The following ZPBP variants were observed in gnomAD, a reference collection of about 807,000 sequenced individuals.
ZPBP encodes the protein zona pellucida binding protein.
Under a neutral mutation model 44.8 loss-of-function variants are expected in ZPBP, and 26 were observed. The ratio of observed to expected loss-of-function variants is 0.58; its 90% CI spans 0.43 to 0.81. The LOEUF (loss-of-function observed/expected upper bound fraction) is 0.81. ZPBP is among the 30% of genes least tolerant of loss of function. ZPBP has a pLI of 0.00. For synonymous variants in ZPBP, 174 were observed against 153.2 expected (o/e 1.14, Z -1.00); for missense variants, 409 against 434.0 (o/e 0.94, Z 0.51).
intron 6 of ZPBP, among the ~76,000 whole-genome samples, chr7:49,997,123 T>C (rs1797880091): frequency 6.6e-6 from 1 of 152,228 alleles, no homozygotes; most frequent in African/African-American, 2.4e-5. Flanking sequence ...GCCCTACCAA[T>C]GTGAGTGAGT....
At chr7:49,856,456 G>A (rs967699667) in intron 2 of ZPBP, among the ~76,000 whole-genome samples, 1 of 152,136 alleles carries the variant, frequency 6.6e-6, no homozygotes, top group African/African-American at 2.4e-5. Context: ...TTCTTGTACA[G>A]GCTGCAGATC....
chr7:49,897,134 A>T (rs2128732986), intron 2 of ZPBP, among the ~76,000 whole-genome samples: 1 of 152,104 alleles, frequency 6.6e-6, no homozygotes, highest in East Asian at 1.9e-4. Context: ...TGACCTCATG[A>T]TCCACCCGCC....
chr7:49,904,334 CT>C (rs1792961564), intron 1 of ZPBP, among the ~76,000 whole-genome samples: 1 of 152,196 alleles, frequency 6.6e-6, no homozygotes, highest in African/African-American at 2.4e-5. Context: ...TAAGCTGTAA[CT>C]TTGGGAAAAA....
At chr7:49,940,230 G>C (rs1056356616) in intron 7 of ZPBP, among the ~76,000 whole-genome samples, 3 of 151,996 alleles carry the variant, frequency 2.0e-5, no homozygotes, top group African/African-American at 7.2e-5. Context: ...CTTTCCTTTT[G>C]GCCTTTGCAG....
chr7:49,847,701 G>C (rs546863763), downstream of ZPBP, among the ~76,000 whole-genome samples: 13 of 152,320 alleles, frequency 8.5e-5, no homozygotes, highest in South Asian at 2.7e-3. Flanking sequence ...GGCTTCCACG[G>C]GAAGAAGGGG....
At chr7:49,900,452 CTA>C (rs544205555) in intron 2 of ZPBP, among the ~76,000 whole-genome samples, 1 of 151,380 alleles carries the variant, frequency 6.6e-6, no homozygotes, top group Non-Finnish European at 1.5e-5. Context: ...ATGCAAATTG[CTA>C]TAAGAAACAA....
intron 6 of ZPBP, among the ~76,000 whole-genome samples, chr7:49,984,762 A>G (rs1313657447): frequency 1.3e-5 from 2 of 152,210 alleles, no homozygotes; most frequent in Non-Finnish European, 2.9e-5. Flanking sequence ...GACCCCTAGT[A>G]TAAGGTATAT....
At chr7:49,872,626 C>T (rs993881063) in intron 2 of ZPBP, among the ~76,000 whole-genome samples, 1 of 151,484 alleles carries the variant, frequency 6.6e-6, no homozygotes, top group Non-Finnish European at 1.5e-5. Context: ...GAATTTGGGG[C>T]TGGGCGCAGT....
At chr7:49,900,752 A>C (rs1393779695) in intron 2 of ZPBP, among the ~76,000 whole-genome samples, 3 of 151,860 alleles carry the variant, frequency 2.0e-5, no homozygotes, top group Non-Finnish European at 4.4e-5. Flanking sequence ...TGATATCAAT[A>C]TTTTACAATT....
chr7:49,919,357 A>G (rs1562775768), intron 1 of ZPBP: 1 of 152,196 alleles, frequency 6.6e-6, no homozygotes, highest in Non-Finnish European at 1.5e-5. Flanking sequence ...GCCATTTTGA[A>G]CTTTTGCATT....
intron 7 of ZPBP, among the ~76,000 whole-genome samples, chr7:49,966,257 A>G (rs1469084519): frequency 6.6e-6 from 1 of 152,144 alleles, no homozygotes; most frequent in Non-Finnish European, 1.5e-5. Flanking sequence ...TTTAAGTAAA[A>G]TTAACAATAA....
chr7:49,858,335 GA>G (rs941794362), intron 2 of ZPBP, among the ~76,000 whole-genome samples: 67 of 152,180 alleles, frequency 4.4e-4, no homozygotes, highest in African/African-American at 1.6e-3. Flanking sequence ...ACTGGATTAA[GA>G]AAATGTGGCA....
At chr7:49,844,000 A>C in the ZPBP span, among the ~76,000 whole-genome samples, 3 of 152,188 alleles carry the variant, frequency 2.0e-5, no homozygotes, top group African/African-American at 7.2e-5. Context: ...AAGTCAATGA[A>C]GATTTCTGGG....
chr7:49,997,370 T>C (rs1282941008), intron 6 of ZPBP, among the ~76,000 whole-genome samples: 1 of 152,206 alleles, frequency 6.6e-6, no homozygotes, highest in Non-Finnish European at 1.5e-5. Flanking sequence ...TATGGCCTGA[T>C]CCACCTTTAA....
chr7:50,058,816 G>A (rs1210945469), intron 3 of ZPBP, among the ~76,000 whole-genome samples: 1 of 152,130 alleles, frequency 6.6e-6, no homozygotes, highest in Non-Finnish European at 1.5e-5. Flanking sequence ...GTGTCAAGCA[G>A]GGAGAAAGCT....
At chr7:49,940,122 T>C (rs897221184) in intron 7 of ZPBP, among the ~76,000 whole-genome samples, 2 of 152,288 alleles carry the variant, frequency 1.3e-5, no homozygotes, top group African/African-American at 4.8e-5. Context: ...AGGAACTTTA[T>C]GAAAGCCAAA....
downstream of ZPBP, among the ~76,000 whole-genome samples, chr7:49,848,252 A>G (rs1340286883): frequency 6.6e-6 from 1 of 152,160 alleles, no homozygotes; most frequent in Non-Finnish European, 1.5e-5. Context: ...GTGCAGCACT[A>G]GCTGTCCAGA....
chr7:50,027,715 G>T (rs1232585908), intron 5 of ZPBP, among the ~76,000 whole-genome samples: 6 of 151,898 alleles, frequency 4.0e-5, no homozygotes, highest in Admixed American at 3.9e-4. Context: ...CATTCACATA[G>T]AGAAATCAAA....
At chr7:49,888,835 C>T (rs1225129415) in intron 2 of ZPBP, among the ~76,000 whole-genome samples, 5 of 152,076 alleles carry the variant, frequency 3.3e-5, no homozygotes, top group African/African-American at 1.2e-4. Context: ...CGCTTGAACT[C>T]GGGAGGCGGA....
Sources: allele counts gnomAD v4.1 joint callset (sites outside exome capture counted in the v4.1 genomes callset), GRCh38; gene constraint gnomAD v4.1.1; transcripts MANE v1.5; gene names NCBI Gene and HGNC (gene_info 2026-07-23, HGNC 2026-07-21).